GALNT13: variants seen among roughly 807,000 people sequenced by gnomAD.
GALNT13 encodes polypeptide N-acetylgalactosaminyltransferase 13, also known as UDP-GalNAc:polypeptide N-acetylgalactosaminyltransferase 13.
Under a neutral mutation model 64.2 loss-of-function variants are expected in GALNT13, and 28 were observed. The ratio of observed to expected loss-of-function variants is 0.44; its 90% CI spans 0.32 to 0.60. GALNT13 has a LOEUF of 0.60. Ranked by LOEUF, GALNT13 falls within the 20% of genes least tolerant of loss-of-function variation. The probability of loss-of-function intolerance (pLI) is 0.05; values close to 1 mark genes in which losing one functional copy is unlikely to be tolerated. For synonymous variants in GALNT13, 214 were observed against 224.6 expected (o/e 0.95, Z 0.42); for missense variants, 577 against 669.8 (o/e 0.86, Z 1.53).
the GALNT13 span, among the ~76,000 whole-genome samples, chr2:153,862,918 C>A: frequency 0.82 from 124,983 of 152,036 alleles, 52,598 homozygotes; most frequent in Non-Finnish European, 0.9. Context: ...TAAGTTTCAC[C>A]AAATTCTTCA....
intron 2 of GALNT13, among the ~76,000 whole-genome samples, chr2:153,913,662 A>G (rs1689137125): frequency 6.6e-6 from 1 of 152,132 alleles, no homozygotes; most frequent in South Asian, 2.1e-4. Context: ...GGCTGTGATG[A>G]GAGCAGCTTG....
the GALNT13 span, among the ~76,000 whole-genome samples, chr2:153,808,193 A>G: frequency 2.0e-5 from 3 of 152,120 alleles, no homozygotes; most frequent in Admixed American, 6.5e-5. Flanking sequence ...TTTCTGTATT[A>G]TTTCATTCTA....
At chr2:154,153,854 A>G (rs1684228691) in intron 4 of GALNT13, among the ~76,000 whole-genome samples, 1 of 152,224 alleles carries the variant, frequency 6.6e-6, no homozygotes, top group Non-Finnish European at 1.5e-5. Flanking sequence ...TTTGACTAGG[A>G]AAGGGAACTC....
chr2:153,073,506 T>A, the GALNT13 span, among the ~76,000 whole-genome samples: 277 of 151,982 alleles, frequency 1.8e-3, 5 homozygotes, highest in East Asian at 0.044. Context: ...ATAAACTGAT[T>A]TTTCATACTC....
At position 154,071,409 on chromosome 2, in the gene GALNT13, C is replaced by T. The variant is rs143599316; in HGVS notation, c.143-68928C>T. 2.0e-5 allele frequency among the ~76,000 whole-genome samples: 3 copies of T among 152,218 alleles called. No individual in the cohort carries two copies. The East Asian group carries it at 5.8e-4, about 29-fold the overall frequency. On this transcript the variant is annotated intron_variant, in intron 3 of 12. Coordinates refer to ENST00000392825, the MANE Select transcript of GALNT13 (RefSeq NM_052917.4). ...TTAATCCTAATATAGGGTCACATGA[C>T]CTTAAATGTAGGAAATTTGTAAATG...
the GALNT13 span, among the ~76,000 whole-genome samples, chr2:153,156,899 C>T: frequency 1.3e-5 from 2 of 152,120 alleles, no homozygotes; most frequent in Non-Finnish European, 2.9e-5. Flanking sequence ...AGACAAGGCA[C>T]GGCATTAACT....
chr2:153,372,533 C>G, the GALNT13 span, among the ~76,000 whole-genome samples: 2 of 152,006 alleles, frequency 1.3e-5, no homozygotes, highest in Non-Finnish European at 2.9e-5. Flanking sequence ...GTAGTCCCAG[C>G]TACTCGGAAG....
At chr2:154,298,429 A>T (rs1460283242) in intron 8 of GALNT13, among the ~76,000 whole-genome samples, 1 of 119,154 alleles carries the variant, frequency 8.4e-6, no homozygotes, top group East Asian at 4.1e-4. Flanking sequence ...TATATATGAA[A>T]TATATATAAA....
chr2:153,137,957 G>C, the GALNT13 span, among the ~76,000 whole-genome samples: 1 of 152,004 alleles, frequency 6.6e-6, no homozygotes, highest in Non-Finnish European at 1.5e-5. Flanking sequence ...CGTACTTCAT[G>C]TACTCCTTAT....
chr2:153,251,535 A>G, the GALNT13 span, among the ~76,000 whole-genome samples: 19,997 of 151,664 alleles, frequency 0.13, 1,660 homozygotes, highest in Non-Finnish European at 0.18. Context: ...TAAGTTACGT[A>G]TGTATACATG....
the GALNT13 span, among the ~76,000 whole-genome samples, chr2:153,615,966 C>A: frequency 1.3e-5 from 2 of 151,886 alleles, no homozygotes; most frequent in East Asian, 3.9e-4. Context: ...TTTTTGCTTT[C>A]GTTGCCTGTG....
At position 154,111,606 on chromosome 2, in the gene GALNT13, G is replaced by A. The variant is rs368917759; in HGVS notation, c.143-28731G>A. Among the ~76,000 whole-genome samples, 3 of 152,120 alleles carry A rather than the reference G, an allele frequency of 2.0e-5. No individual in the cohort carries two copies. The East Asian group carries it at 5.8e-4, about 29-fold the overall frequency. On this transcript the variant is annotated intron_variant, in intron 3 of 12. Coordinates refer to ENST00000392825, the MANE Select transcript of GALNT13 (RefSeq NM_052917.4). The stretch of plus-strand genomic sequence containing the variant: ...AGGCCAGCAAAACGTAAGGTCACGG[G>A]AGCAGGAAGCAAAAATTTTGCTAGT...
At chr2:154,334,527 T>A (rs1695336430) in intron 9 of GALNT13, among the ~76,000 whole-genome samples, 1 of 152,032 alleles carries the variant, frequency 6.6e-6, no homozygotes, top group East Asian at 1.9e-4. Flanking sequence ...TAACCTCCAC[T>A]ACATCAAAAC....
At chr2:153,802,489 T>G in the GALNT13 span, among the ~76,000 whole-genome samples, 1 of 152,318 alleles carries the variant, frequency 6.6e-6, no homozygotes, top group African/African-American at 2.4e-5. Flanking sequence ...TCTTGCAAAC[T>G]TTATAGTAGA....
chr2:153,529,718 G>A, the GALNT13 span, among the ~76,000 whole-genome samples: 1 of 152,014 alleles, frequency 6.6e-6, no homozygotes, highest in East Asian at 1.9e-4. Context: ...GATCAAGTGG[G>A]ATTTGTCACT....
At chr2:153,564,585 T>A in the GALNT13 span, among the ~76,000 whole-genome samples, 2 of 149,524 alleles carry the variant, frequency 1.3e-5, no homozygotes, top group Non-Finnish European at 2.9e-5. Flanking sequence ...GGTCAACATA[T>A]GAGGATTAGT....
chr2:153,412,024 G>A, the GALNT13 span, among the ~76,000 whole-genome samples: 1 of 152,124 alleles, frequency 6.6e-6, no homozygotes, highest in African/African-American at 2.4e-5. Flanking sequence ...AAATTGAAAA[G>A]GTGAGGCTGG....
chr2:153,196,779 G>T, the GALNT13 span, among the ~76,000 whole-genome samples: 1 of 151,954 alleles, frequency 6.6e-6, no homozygotes, highest in Non-Finnish European at 1.5e-5. Flanking sequence ...GTGGGCTCCA[G>T]GGGCTCCCAC....
intron 2 of GALNT13, among the ~76,000 whole-genome samples, chr2:153,928,126 C>T (rs547026525): frequency 5.3e-5 from 8 of 152,004 alleles, no homozygotes; most frequent in Non-Finnish European, 1.0e-4. Flanking sequence ...TAATTGTCAA[C>T]CAGACTAGTC....
Sources: gnomAD v4.1 joint callset for allele counts (sites outside exome capture counted in the v4.1 genomes callset) on GRCh38, gnomAD v4.1.1 for gene constraint, MANE v1.5 for transcripts, NCBI Gene and HGNC (gene_info 2026-07-23, HGNC 2026-07-21) for gene names.